ATP2B2: variants seen among roughly 807,000 people sequenced by gnomAD.
ATP2B2 encodes the protein ATPase plasma membrane Ca2+ transporting 2.
A neutral mutation model predicts 120.0 loss-of-function variants in ATP2B2; 15 were observed. That is an observed-to-expected ratio of 0.12 (90% CI 0.08 to 0.19). The LOEUF is 0.19. Among genes scored for constraint, ATP2B2 ranks in the 10% least tolerant of loss-of-function variants. ATP2B2 has a pLI of 1.00. For synonymous variants in ATP2B2, 694 were observed against 700.3 expected (o/e 0.99, Z 0.14); for missense variants, 1,045 against 1,719.8 (o/e 0.61, Z 6.94).
At chr3:10,538,142 T>C (rs1462753978) in intron 2 of ATP2B2, among the ~76,000 whole-genome samples, 7 of 152,242 alleles carry the variant, frequency 4.6e-5, no homozygotes, top group African/African-American at 1.7e-4. Context: ...ATTATGATAA[T>C]AGTAGCTCCT....
At chr3:10,377,749 T>A (rs912847903) in intron 10 of ATP2B2, among the ~76,000 whole-genome samples, 1 of 152,228 alleles carries the variant, frequency 6.6e-6, no homozygotes, top group Non-Finnish European at 1.5e-5. Context: ...CATTCTTGTC[T>A]TCCTCTGCTC....
intron 2 of ATP2B2, among the ~76,000 whole-genome samples, chr3:10,606,093 G>A (rs2069057541): frequency 6.6e-6 from 1 of 152,054 alleles, no homozygotes; most frequent in Non-Finnish European, 1.5e-5. Flanking sequence ...ACTCCAGCCT[G>A]GGTGCAGAGC....
intron 2 of ATP2B2, among the ~76,000 whole-genome samples, chr3:10,611,474 C>T (rs80212603): frequency 0.016 from 2,381 of 152,294 alleles, 56 homozygotes; most frequent in African/African-American, 0.053. Flanking sequence ...TCAGTCCTGT[C>T]CACCGACATC....
rs1490268919 is a variant in ATP2B2 at position 10,516,994 on chromosome 3, AAAAGCCACAGGC to A, written c.-320+17033_-320+17044del. Reference sequence around the variant, plus strand: ...TGTGTGTGTGTGTGTGTTTCTTAAAAAAAGCCACAGGCATGCTATTTATAGCCAGCTCCTGTA... The same window carrying A: ...TGTGTGTGTGTGTGTGTTTCTTAAAAATGCTATTTATAGCCAGCTCCTGTA... On this transcript the variant is annotated intron_variant, in intron 3 of 21. Transcript: ENST00000646379. 9.2e-5 allele frequency among the ~76,000 whole-genome samples: 14 copies of A among 151,926 alleles called. No individual in the cohort carries two copies. The East Asian group carries it at 1.4e-3, about 15-fold the overall frequency.
intron 3 of ATP2B2, among the ~76,000 whole-genome samples, chr3:10,532,898 C>T (rs2067239100): frequency 3.9e-5 from 6 of 152,176 alleles, no homozygotes; most frequent in Admixed American, 3.9e-4. Flanking sequence ...GGGTTGCATG[C>T]TGGCTGCAAA....
chr3:10,652,214 G>A (rs968792217), intron 1 of ATP2B2, among the ~76,000 whole-genome samples: 5 of 152,112 alleles, frequency 3.3e-5, no homozygotes, highest in South Asian at 4.2e-4. Context: ...ACCCCACCAC[G>A]TGGCCCAGAG....
At chr3:10,687,644 TGAG>T (rs1247923181) in intron 1 of ATP2B2, among the ~76,000 whole-genome samples, 34 of 152,172 alleles carry the variant, frequency 2.2e-4, no homozygotes, top group Non-Finnish European at 1.5e-5. Flanking sequence ...GCCAATCATT[TGAG>T]GGCAGGAGTT....
intron 7 of ATP2B2, 72 bp downstream of exon 7, chr3:10,386,408 G>C: frequency 1.3e-6 from 2 of 1,540,144 alleles, no homozygotes; most frequent in Admixed American, 1.7e-5. Context: ...GGTGGTCTAG[G>C]GGCAGGGCCC....
chr3:10,604,197 T>C (rs1301718652), intron 2 of ATP2B2, among the ~76,000 whole-genome samples: 1 of 152,126 alleles, frequency 6.6e-6, no homozygotes, highest in African/African-American at 2.4e-5. Flanking sequence ...TTGACCCTTC[T>C]AGGATCTCTC....
At chr3:10,363,304 C>T (rs144210579) in intron 12 of ATP2B2, among the ~76,000 whole-genome samples, 12 of 152,322 alleles carry the variant, frequency 7.9e-5, no homozygotes, top group East Asian at 1.9e-4. Flanking sequence ...AAAATTTCCA[C>T]GAGCCTTTTT....
chr3:10,340,243 T>G lies in ATP2B2; in HGVS notation c.3236A>C (p.Gln1079Pro). Reference sequence around the variant, plus strand: ...TCCTGCGACCTACCAGGAACTTACCTGGCCCCAAACGAGCTCTCCTAACCC... The same window carrying G: ...TCCTGCGACCTACCAGGAACTTACCGGGCCCCAAACGAGCTCTCCTAACCC... ...FIGLGELVWG[Q>P]VIATIPTSRL... is the part of the protein sequence containing the mutation. The change falls in exon 21 of 23, where the codon CAG becomes CCG. Residue 1079 changes from glutamine (Q) to proline (P), a missense_variant and splice_region_variant. Gln to Pro is a moderately conservative substitution (Grantham distance 76). Around this residue, in one of 11 missense-constraint regions of ATP2B2, gnomAD observed 211 missense variants for 385.1 expected, o/e 0.55. Transcript: ENST00000360273. This position sits in a 1 kb window ranked among gnomAD's most constrained non-coding sequence, Gnocchi z 5.0. The G allele has an allele frequency of 6.2e-7, 1 of 1,614,034 alleles. No homozygotes were observed. Among genetic ancestry groups the G allele is most frequent in the Non-Finnish European group, 8.5e-7 (1 of 1,179,982 alleles).
At chr3:10,692,709 G>A (rs935062523) in intron 1 of ATP2B2, among the ~76,000 whole-genome samples, 1 of 152,202 alleles carries the variant, frequency 6.6e-6, no homozygotes, top group Non-Finnish European at 1.5e-5. Flanking sequence ...CTGCTTCCCT[G>A]TCCTCCCAAC....
At chr3:10,367,979 C>G (rs945819156) in intron 12 of ATP2B2, among the ~76,000 whole-genome samples, 3 of 152,208 alleles carry the variant, frequency 2.0e-5, no homozygotes, top group Non-Finnish European at 4.4e-5. Context: ...GGATATGAAC[C>G]TGGTCTGTCG....
At chr3:10,445,386 G>C (rs1170760565) in intron 2 of ATP2B2, among the ~76,000 whole-genome samples, 4 of 149,012 alleles carry the variant, frequency 2.7e-5, no homozygotes, top group Non-Finnish European at 5.9e-5. Context: ...AAACAGTGTG[G>C]AAGGAAAGGG....
At chr3:10,571,590 T>C (rs184142408) in intron 2 of ATP2B2, among the ~76,000 whole-genome samples, 29 of 152,314 alleles carry the variant, frequency 1.9e-4, no homozygotes, top group African/African-American at 5.1e-4. Context: ...GAAAGCCAGA[T>C]AAGCTCAGCC....
Position 10,657,929 on chromosome 3 carries a change from T to C in ATP2B2, c.-459-37968A>G, listed in dbSNP as rs145003182. ...AGAGGAACTGTCAGGCAGCAACATA[T>C]GCTGTTCAGCAATATTCGCTGTTCT... On this transcript the variant is annotated intron_variant, in intron 1 of 21. Coordinates refer to the ATP2B2 transcript ENST00000646379. Among the ~76,000 whole-genome samples, 1,052 of 152,348 alleles carry C rather than the reference T, an allele frequency of 6.9e-3. 9 individuals carry two copies. The highest frequency in any genetic ancestry group is 0.024 in the Middle Eastern group (7 of 294).
At chr3:10,418,718 G>A (rs1015827759) in intron 2 of ATP2B2, among the ~76,000 whole-genome samples, 1 of 152,206 alleles carries the variant, frequency 6.6e-6, no homozygotes, top group Non-Finnish European at 1.5e-5. Context: ...CTGTCTGGCT[G>A]AGCGGACCTG....
At chr3:10,338,526 C>CTTTT (rs34558372) in intron 21 of ATP2B2, among the ~76,000 whole-genome samples, 168 bp from the exon 22 acceptor site, 6 of 88,480 alleles carry the variant, frequency 6.8e-5, no homozygotes, top group African/African-American at 1.1e-4. Flanking sequence ...TTGACAATGT[C>CTTTT]TTTTTTTTTT....
At chr3:10,438,560 G>C (rs977766808) in intron 2 of ATP2B2, among the ~76,000 whole-genome samples, 13 of 152,242 alleles carry the variant, frequency 8.5e-5, no homozygotes, top group African/African-American at 2.9e-4. Context: ...GTCCTAGGGA[G>C]CCATCGGCTG....
Sources: gnomAD v4.1 joint callset for allele counts (sites outside exome capture counted in the v4.1 genomes callset) on GRCh38, gnomAD v4.1.1 for gene constraint, gnomAD v4.1.1 regional missense constraint, Gnocchi (gnomAD v3.1) non-coding constraint, MANE v1.5 for transcripts, NCBI Gene and HGNC (gene_info 2026-07-23, HGNC 2026-07-21) for gene names.